Variants in BRIP1 observed in about 807,000 individuals in gnomAD.
BRIP1 encodes Fanconi anemia group J protein.
Under a neutral mutation model 119.7 loss-of-function variants are expected in BRIP1, and 88 were observed. The observed-to-expected ratio is 0.74, with a 90% CI of 0.62 to 0.88. The LOEUF is 0.88. BRIP1 is among the 40% of genes least tolerant of loss of function. The pLI, the probability that BRIP1 is intolerant of heterozygous loss-of-function variation, is 0.00. For missense variants in BRIP1, 1,259 were observed against 1,455.4 expected (o/e 0.87, Z 2.20); for synonymous variants, 443 against 496.5 (o/e 0.89, Z 1.43).
intron 4 of BRIP1, 141 bp from the exon 5 acceptor site, chr17:61,849,397 A>G: frequency 2.8e-6 from 2 of 702,124 alleles, no homozygotes; most frequent in Non-Finnish European, 4.7e-6. Flanking sequence ...AAACATGTTT[A>G]AAAAGTACTT....
intron 14 of BRIP1, among the ~76,000 whole-genome samples, chr17:61,763,855 T>C (rs2077313327): frequency 6.6e-6 from 1 of 152,092 alleles, no homozygotes. Flanking sequence ...GTGTAAGCCA[T>C]ATTAAAGAGA....
In BRIP1 at chr17:61,764,806, G is replaced by A. The variant is rs545563944; in HGVS notation, c.2097+11595C>T. On this transcript the variant is annotated intron_variant, in intron 14 of 19. Coordinates refer to ENST00000259008, the MANE Select transcript of BRIP1 (RefSeq NM_032043.3). ...CCATGAAAAATAGTTTAGAACTAAG[G>A]GGGTGGGGGGAGCACAGGGAGTTAG... Among the ~76,000 whole-genome samples the A allele has an allele frequency of 3.9e-5, 6 of 152,016 alleles. No individual in the cohort carries two copies. In the South Asian group the frequency reaches 1.0e-3, roughly 26 times the overall value.
In BRIP1 at chr17:61,827,450, T is replaced by G. The variant is rs1304275081; in HGVS notation, c.628-18693A>C. 1.3e-5 allele frequency among the ~76,000 whole-genome samples: 2 copies of G among 152,076 alleles called. No individual in the cohort carries two copies. The highest frequency in any genetic ancestry group is 1.5e-5 in the Non-Finnish European group (1 of 68,018). On this transcript the variant is annotated intron_variant, in intron 6 of 19. Coordinates refer to ENST00000259008, the MANE Select transcript of BRIP1 (RefSeq NM_032043.3). The surrounding 1 kb of genome is among the most constrained non-coding windows in gnomAD (Gnocchi z 5.8). Reference sequence around the variant, plus strand: ...AAATTAAATTTAAAAAAAATGGGGCTGGGAGTGGTGGCTTACACCTGTAAT... The same window carrying G: ...AAATTAAATTTAAAAAAAATGGGGCGGGGAGTGGTGGCTTACACCTGTAAT...
In BRIP1 at chr17:61,857,052, AAT is replaced by A. The variant is rs773332695; in HGVS notation, c.379+4_379+5del. 109 of 1,613,346 alleles carry A rather than the reference AAT, an allele frequency of 6.8e-5. No individual in the cohort carries two copies. Among genetic ancestry groups the A allele is most frequent in the Non-Finnish European group, 9.0e-5 (106 of 1,179,418 alleles). ...TATCAACTGACCCAGGCAAAATATA[AAT>A]TACCTTGACAAGTTGATGAAGTGCC... On this transcript the variant is annotated splice_donor_5th_base_variant and intron_variant, in intron 4 of 19. Transcript: ENST00000259008. This position sits in a 1 kb window ranked among gnomAD's most constrained non-coding sequence, Gnocchi z 5.1.
chr17:61,818,721 G>A (rs1245761467), intron 6 of BRIP1, among the ~76,000 whole-genome samples: 2 of 152,024 alleles, frequency 1.3e-5, no homozygotes, highest in African/African-American at 2.4e-5. Flanking sequence ...TTCTTAAAAA[G>A]CAGATCACTC....
chr17:61,727,792 A>G (rs11867852), intron 16 of BRIP1, among the ~76,000 whole-genome samples: 1 of 114,726 alleles, frequency 8.7e-6, no homozygotes, highest in East Asian at 2.9e-4. Context: ...CTCTCTCTCT[A>G]TATATATATA....
chr17:61,857,239 T>G lies in BRIP1; in HGVS notation c.206-8A>C. ...CCTCATCTGCTGGTTTCCCTAAAAA[T>G]GAAAGAACATCTATTTATAATATAT... On this transcript the variant is annotated splice_region_variant and splice_polypyrimidine_tract_variant and intron_variant, in intron 3 of 19. Transcript: ENST00000259008. The surrounding 1 kb of genome is among the most constrained non-coding windows in gnomAD (Gnocchi z 5.1). 1 of 1,606,970 alleles carries G rather than the reference T, an allele frequency of 6.2e-7. No homozygotes were observed. Among genetic ancestry groups the G allele is most frequent in the Non-Finnish European group, 8.5e-7 (1 of 1,174,030 alleles).
chr17:61,765,840 C>CAT (rs1392459751), intron 14 of BRIP1, among the ~76,000 whole-genome samples: 16 of 151,286 alleles, frequency 1.1e-4, no homozygotes, highest in South Asian at 2.1e-4. Flanking sequence ...CACACACACA[C>CAT]ACACACACAC....
chr17:61,728,300 G>A (rs1434496861), intron 16 of BRIP1, among the ~76,000 whole-genome samples: 4 of 143,102 alleles, frequency 2.8e-5, no homozygotes, highest in African/African-American at 1.0e-4. Flanking sequence ...GCAGACTTCT[G>A]ATTTCAATAA....
intron 6 of BRIP1, among the ~76,000 whole-genome samples, chr17:61,830,339 G>A (rs1163307583): frequency 2.8e-5 from 4 of 143,030 alleles, no homozygotes; most frequent in Non-Finnish European, 6.1e-5. Context: ...ATAGAAAATG[G>A]AAAAACAGAA....
At position 61,780,718 on chromosome 17, in the gene BRIP1, C is replaced by A. The variant is rs561051706; in HGVS notation, c.1794+122G>T. 9.8e-6 allele frequency: 12 copies of A among 1,221,176 alleles called. No homozygotes were observed. Among genetic ancestry groups the A allele is most frequent in the Non-Finnish European group, 1.2e-5 (10 of 836,738 alleles). 75.6% of individuals were successfully genotyped at this position (1,221,176 alleles called of 1,614,324 possible). On this transcript the variant is annotated intron_variant, in intron 12 of 19. Coordinates refer to ENST00000259008, the MANE Select transcript of BRIP1 (RefSeq NM_032043.3). This position sits in a 1 kb window ranked among gnomAD's most constrained non-coding sequence, Gnocchi z 5.4. ...ACTCCAGCCTGGGTGAAGAGCAAGACCCTGCCTCAAAACAACAACAACAAC... is the reference window on the plus strand; with the variant it reads ...ACTCCAGCCTGGGTGAAGAGCAAGAACCTGCCTCAAAACAACAACAACAAC...
In BRIP1 at chr17:61,803,600, G is replaced by T. The variant is rs9900559; in HGVS notation, c.919-2126C>A. 0.79 allele frequency among the ~76,000 whole-genome samples: 120,496 copies of T among 151,962 alleles called. 48,409 individuals carry two copies. Among genetic ancestry groups the T allele is most frequent in the African/African-American group, 0.89 (37,083 of 41,480 alleles). On this transcript the variant is annotated intron_variant, in intron 7 of 19. Coordinates refer to ENST00000259008, the MANE Select transcript of BRIP1 (RefSeq NM_032043.3). This position sits in a 1 kb window ranked among gnomAD's most constrained non-coding sequence, Gnocchi z 4.3. ...ACCACGCCACTGCACTCCAGCCTGGGCAACAGAGTGAGATCCTGTCTCAAA... is the reference window on the plus strand; with the variant it reads ...ACCACGCCACTGCACTCCAGCCTGGTCAACAGAGTGAGATCCTGTCTCAAA...
At chr17:61,821,669 A>G (rs1344181059) in intron 6 of BRIP1, among the ~76,000 whole-genome samples, 1 of 152,048 alleles carries the variant, frequency 6.6e-6, no homozygotes, top group Non-Finnish European at 1.5e-5. Context: ...AGCTGGGACT[A>G]TAGGCACATG....
In BRIP1 at chr17:61,862,927, G is replaced by A. The variant is rs551726647; in HGVS notation, c.-31+357C>T. Among the ~76,000 whole-genome samples the A allele has an allele frequency of 1.5e-4, 23 of 152,076 alleles. No individual in the cohort carries two copies. The highest frequency in any genetic ancestry group is 5.6e-4 in the African/African-American group (23 of 41,390). ...ATGGTGGAATCTAACCTCTTAATAT[G>A]AATCAACAACTCAACGCTGGCCTAG... On this transcript the variant is annotated intron_variant, in intron 1 of 19. Transcript: ENST00000259008. The surrounding 1 kb of genome is among the most constrained non-coding windows in gnomAD (Gnocchi z 5.3).
chr17:61,782,161 G>A (rs775847984), intron 11 of BRIP1, among the ~76,000 whole-genome samples: 2 of 151,834 alleles, frequency 1.3e-5, no homozygotes, highest in Non-Finnish European at 2.9e-5. Flanking sequence ...CGAGGTGGGC[G>A]GATCACGAGG....
rs12949659 is a variant in BRIP1, at chr17:61,816,136, T to C, written c.628-7379A>G. ...ATTCAATATTTATCACAGGCTTTCA[T>C]AGATCACTGCTAACCAAGCAAACGT... On this transcript the variant is annotated intron_variant, in intron 6 of 19. Transcript: ENST00000259008. The surrounding 1 kb of genome is among the most constrained non-coding windows in gnomAD (Gnocchi z 5.0). 0.79 allele frequency among the ~76,000 whole-genome samples: 120,788 copies of C among 152,208 alleles called. 48,560 individuals are homozygous for C. Among genetic ancestry groups the C allele is most frequent in the African/African-American group, 0.9 (37,248 of 41,552 alleles).
At position 61,683,290 on chromosome 17, in the gene BRIP1, GTATTATTACTTAAAACCAGGAAACA is replaced by G. The variant is rs1555572407; in HGVS notation, c.3731_*5del. On this transcript the variant is annotated stop_lost and 3_prime_UTR_variant, in exon 20 of 20. Transcript: ENST00000259008. This position sits in a 1 kb window ranked among gnomAD's most constrained non-coding sequence, Gnocchi z 4.7. ...TATTTTTACTTAGCTTGAGAGTTAAGTATTATTACTTAAAACCAGGAAACATGCCTTTATTTTTGGAAGGAGATGG... is the reference window on the plus strand; with the variant it reads ...TATTTTTACTTAGCTTGAGAGTTAAGTGCCTTTATTTTTGGAAGGAGATGG... 1 of 1,604,718 alleles carries G rather than the reference GTATTATTACTTAAAACCAGGAAACA, an allele frequency of 6.2e-7. No individual in the cohort carries two copies. The highest frequency in any genetic ancestry group is 8.5e-7 in the Non-Finnish European group (1 of 1,172,250).
rs1308546559 is a variant in BRIP1 at position 61,760,971 on chromosome 17, A to T, written c.2097+15430T>A. 1.3e-5 allele frequency among the ~76,000 whole-genome samples: 2 copies of T among 152,104 alleles called. No individual in the cohort carries two copies. The highest frequency in any genetic ancestry group is 3.8e-4 in the East Asian group (2 of 5,198). On this transcript the variant is annotated intron_variant, in intron 14 of 19. Coordinates refer to ENST00000259008, the MANE Select transcript of BRIP1 (RefSeq NM_032043.3). This position sits in a 1 kb window ranked among gnomAD's most constrained non-coding sequence, Gnocchi z 4.6. ...ATACAAGAAAAGAAAACTGTAGGCC[A>T]ATATCCTTGATAAATAGAAAAGCAA...
rs2077282535 is a variant in BRIP1, at chr17:61,761,930, C to A, written c.2097+14471G>T. Reference sequence around the variant, plus strand: ...GAATCCTAAATTTCATATAGAGCCACAAGAAGCTTTGAATAGCCATGGCAG... The same window carrying A: ...GAATCCTAAATTTCATATAGAGCCAAAAGAAGCTTTGAATAGCCATGGCAG... On this transcript the variant is annotated intron_variant, in intron 14 of 19. Coordinates refer to ENST00000259008, the MANE Select transcript of BRIP1 (RefSeq NM_032043.3). The surrounding 1 kb of genome is among the most constrained non-coding windows in gnomAD (Gnocchi z 6.4). Among the ~76,000 whole-genome samples the A allele has an allele frequency of 6.6e-6, 1 of 151,890 alleles. No individual in the cohort carries two copies. The highest frequency in any genetic ancestry group is 1.5e-5 in the Non-Finnish European group (1 of 67,930).
Sources: allele counts gnomAD v4.1 joint callset (sites outside exome capture counted in the v4.1 genomes callset), GRCh38; gene constraint gnomAD v4.1.1; non-coding constraint Gnocchi (gnomAD v3.1); transcripts MANE v1.5; gene names NCBI Gene and HGNC (gene_info 2026-07-23, HGNC 2026-07-21).